The following MAPK10 variants were observed in gnomAD, a reference collection of about 807,000 sequenced individuals.
MAPK10 encodes mitogen-activated protein kinase 10.
A neutral mutation model predicts 59.3 loss-of-function variants in MAPK10; 25 were observed. The observed-to-expected ratio is 0.42, with a 90% CI of 0.31 to 0.59. MAPK10 has a LOEUF of 0.59. Ranked by LOEUF, MAPK10 falls within the 20% of genes least tolerant of loss-of-function variation. The pLI is 0.15. For missense variants in MAPK10, 351 were observed against 568.9 expected (o/e 0.62, Z 3.90); for synonymous variants, 190 against 200.5 (o/e 0.95, Z 0.44).
intron 3 of MAPK10, among the ~76,000 whole-genome samples, chr4:86,177,746 A>G (rs1439885929): frequency 6.6e-6 from 1 of 152,104 alleles, no homozygotes; most frequent in Non-Finnish European, 1.5e-5. Flanking sequence ...TGCACCCCAT[A>G]AAACATTAGC....
intron 11 of MAPK10, among the ~76,000 whole-genome samples, chr4:86,056,990 G>A (rs2044692551): frequency 6.8e-6 from 1 of 147,396 alleles, no homozygotes; most frequent in Non-Finnish European, 1.5e-5. Context: ...TTTTAAGACG[G>A]TCTCACTCTG....
intron 9 of MAPK10, among the ~76,000 whole-genome samples, chr4:86,074,271 T>C (rs1476075842): frequency 3.5e-5 from 5 of 143,912 alleles, no homozygotes; most frequent in Admixed American, 6.9e-5. Context: ...TCCTTTTATT[T>C]TGAGCCTATG....
chr4:86,023,363 C>T (rs1748378279), intron 13 of MAPK10, among the ~76,000 whole-genome samples: 1 of 152,132 alleles, frequency 6.6e-6, no homozygotes, highest in African/African-American at 2.4e-5. Context: ...GAAATCAGAA[C>T]ATGTAAATTT....
At chr4:86,049,034 A>G (rs996996457) in intron 11 of MAPK10, among the ~76,000 whole-genome samples, 3 of 152,234 alleles carry the variant, frequency 2.0e-5, no homozygotes, top group Middle Eastern at 3.4e-3. Context: ...TATTTGTTGC[A>G]TTATATAAGA....
rs1479200873 is a variant in MAPK10, at chr4:86,011,903, TAATGC to T, written c.*5320_*5324del. 2.0e-5 allele frequency: 3 copies of T among 152,220 alleles called. No individual in the cohort carries two copies. The highest frequency in any genetic ancestry group is 7.2e-5 in the African/African-American group (3 of 41,452). The allele number at this position is 152,220 out of a possible 1,614,324, so 9.4% of individuals were successfully genotyped here. On this transcript the variant is annotated 3_prime_UTR_variant, in exon 14 of 14. Coordinates refer to ENST00000641462, the MANE Select transcript of MAPK10 (RefSeq NM_138982.4). ...ACTGTTCAAACACTGCAAAGTAAAC[TAATGC>T]AAGTGCAGTGACCTCTTCATCCAGC...
intron 1 of MAPK10, among the ~76,000 whole-genome samples, chr4:86,522,861 T>G (rs1039361992): frequency 6.6e-6 from 1 of 152,212 alleles, no homozygotes; most frequent in Admixed American, 6.5e-5. Context: ...CCATTGTGAC[T>G]TACAGTTGTT....
chr4:86,116,848 C>T (rs188783104), intron 4 of MAPK10, among the ~76,000 whole-genome samples: 4 of 152,310 alleles, frequency 2.6e-5, no homozygotes, highest in Non-Finnish European at 5.9e-5. Context: ...TAGTGCCTCA[C>T]CTAGAGTGAG....
rs116557605 is a variant in MAPK10, at chr4:86,094,885, G to A, written c.802+3639C>T. On this transcript the variant is annotated intron_variant, in intron 9 of 13. Transcript: ENST00000641462. The stretch of plus-strand genomic sequence containing the variant: ...CTCTCTAACTTGAAAGTCAGCATGC[G>A]TTTAAGAATGTTTAAAGAATGTTTA... Among the ~76,000 whole-genome samples, 1,453 of 151,786 alleles carry A rather than the reference G, an allele frequency of 9.6e-3. 28 individuals carry two copies. The highest frequency in any genetic ancestry group is 0.032 in the African/African-American group (1,347 of 41,460).
intron 1 of MAPK10, among the ~76,000 whole-genome samples, chr4:86,385,701 G>A (rs1009891031): frequency 1.1e-4 from 16 of 152,204 alleles, no homozygotes; most frequent in African/African-American, 2.6e-4. Context: ...ATTAGCTCCC[G>A]GATGGGTAAA....
chr4:86,503,952 T>C (rs1755521965), intron 1 of MAPK10, among the ~76,000 whole-genome samples: 1 of 152,092 alleles, frequency 6.6e-6, no homozygotes, highest in Non-Finnish European at 1.5e-5. Context: ...TTTGTACGCA[T>C]TCCACTCTTC....
intron 9 of MAPK10, among the ~76,000 whole-genome samples, chr4:86,086,104 G>T (rs972511234): frequency 1.3e-4 from 20 of 152,144 alleles, no homozygotes; most frequent in Admixed American, 1.3e-3. Flanking sequence ...GATAGGTGCA[G>T]CAAACCACCA....
intron 1 of MAPK10, among the ~76,000 whole-genome samples, chr4:86,535,502 C>A (rs1758171767): frequency 6.6e-6 from 1 of 152,172 alleles, no homozygotes; most frequent in Non-Finnish European, 1.5e-5. Context: ...AACTCTTGGG[C>A]TCAAGTAATC....
intron 2 of MAPK10, among the ~76,000 whole-genome samples, chr4:86,332,191 CAAT>C (rs1260927016): frequency 6.6e-6 from 1 of 151,862 alleles, no homozygotes; most frequent in Non-Finnish European, 1.5e-5. Context: ...GATATTAAAA[CAAT>C]AAATTATATT....
chr4:86,390,402 G>C (rs1742040816), intron 1 of MAPK10, among the ~76,000 whole-genome samples: 1 of 152,168 alleles, frequency 6.6e-6, no homozygotes, highest in Admixed American at 6.5e-5. Context: ...TTAGAATGTA[G>C]AGAAAGAAGA....
intron 9 of MAPK10, among the ~76,000 whole-genome samples, chr4:86,076,323 C>T (rs1032871681): frequency 6.6e-6 from 1 of 152,184 alleles, no homozygotes; most frequent in Non-Finnish European, 1.5e-5. Context: ...CACCCGGTAC[C>T]TCAGATGGAA....
At chr4:86,086,265 G>C (rs1319607426) in intron 9 of MAPK10, among the ~76,000 whole-genome samples, 1 of 152,018 alleles carries the variant, frequency 6.6e-6, no homozygotes, top group Non-Finnish European at 1.5e-5. Flanking sequence ...GGATAGCAGA[G>C]GAGGTGGTGG....
intron 2 of MAPK10, among the ~76,000 whole-genome samples, chr4:86,254,772 G>T (rs560160541): frequency 2.4e-4 from 36 of 150,892 alleles, no homozygotes; most frequent in African/African-American, 8.6e-4. Flanking sequence ...GTTGACAGTG[G>T]GGTGTTAAAG....
chr4:86,102,682 G>A (rs949395087), intron 6 of MAPK10, among the ~76,000 whole-genome samples: 12 of 151,972 alleles, frequency 7.9e-5, no homozygotes, highest in Non-Finnish European at 5.9e-5. Context: ...CACCACACCT[G>A]GATAATTTTT....
chr4:86,287,292 G>T (rs2095051082), intron 2 of MAPK10, among the ~76,000 whole-genome samples: 1 of 152,104 alleles, frequency 6.6e-6, no homozygotes, highest in Non-Finnish European at 1.5e-5. Flanking sequence ...TCTATTGGAG[G>T]TGATTCTAGT....
Sources: gnomAD v4.1 joint callset for allele counts (sites outside exome capture counted in the v4.1 genomes callset) on GRCh38, gnomAD v4.1.1 for gene constraint, MANE v1.5 for transcripts, NCBI Gene and HGNC (gene_info 2026-07-23, HGNC 2026-07-21) for gene names.